Variants in PCLO observed in about 807,000 individuals in gnomAD.
The protein encoded by PCLO is protein piccolo.
PCLO carries 82 observed loss-of-function variants against 427.5 expected under a neutral mutation model. The observed-to-expected ratio is 0.19, with a 90% CI of 0.16 to 0.23. The LOEUF is 0.23. Ranked by LOEUF, PCLO falls within the 10% of genes least tolerant of loss-of-function variation. The pLI, the probability that PCLO is intolerant of heterozygous loss-of-function variation, is 1.00. For synonymous variants in PCLO, 2,357 were observed against 2,155.4 expected (o/e 1.09, Z -2.59); for missense variants, 6,239 against 6,115.9 (o/e 1.02, Z -0.67).
At position 82,954,200 on chromosome 7, in the gene PCLO, G is replaced by C. The variant is rs369893618; in HGVS notation, c.6753C>G (p.Ala2251=). 88 of 1,613,192 alleles carry C rather than the reference G, an allele frequency of 5.5e-5. No individual in the cohort carries two copies. The African/African-American group carries it at 1.1e-3, about 20-fold the overall frequency. Residue 2251 remains alanine (A), a synonymous_variant, in exon 5 of 25, where the codon GCC becomes GCG. Coordinates refer to ENST00000333891, the MANE Select transcript of PCLO (RefSeq NM_033026.6). ...EEISVSLDRT[A]PPDGRASADH... ...CAGCACTAGCTCTACCATCTGGTGG[G>C]GCAGTCCGATCTAAAGATACACTTA...
chr7:82,952,210 A>T lies in PCLO; in HGVS notation c.8743T>A (p.Ser2915Thr), dbSNP rs758158767. ...ATTTTGGTCATCACACTTGAAGTAG[A>T]CTCATCCATTGTTACGACTGTTCTG... is the stretch of plus-strand genomic sequence containing the variant. ...SHRTVVTMDESTSSVMTKIIE... is the reference protein window; with the variant it reads ...SHRTVVTMDETTSSVMTKIIE... The change falls in exon 5 of 25, where the codon TCT becomes ACT. Residue 2915 changes from serine (S) to threonine (T), a missense_variant. Ser to Thr is a moderately conservative substitution (Grantham distance 58, BLOSUM62 1). Coordinates refer to ENST00000333891, the MANE Select transcript of PCLO (RefSeq NM_033026.6). 1 of 1,613,652 alleles carries T rather than the reference A, an allele frequency of 6.2e-7. No homozygotes were observed. The highest frequency in any genetic ancestry group is 1.1e-5 in the South Asian group (1 of 91,076).
chr7:83,149,191 A>G (rs1037030185), intron 2 of PCLO, among the ~76,000 whole-genome samples: 5 of 152,138 alleles, frequency 3.3e-5, no homozygotes, highest in African/African-American at 9.7e-5. Flanking sequence ...GAAAGAGACC[A>G]ATTGTCCTTT....
chr7:82,990,478 A>G (rs1796352783), intron 3 of PCLO, among the ~76,000 whole-genome samples: 1 of 152,106 alleles, frequency 6.6e-6, no homozygotes, highest in African/African-American at 2.4e-5. Flanking sequence ...CTATCTTAGG[A>G]GGATTCTAAA....
chr7:83,142,874 G>A (rs6953603), intron 2 of PCLO, among the ~76,000 whole-genome samples: 3,429 of 152,078 alleles, frequency 0.023, 133 homozygotes, highest in African/African-American at 0.077. Flanking sequence ...CAGCAGTATC[G>A]CTTGAACCAG....
At chr7:83,083,773 C>T (rs930393634) in intron 3 of PCLO, among the ~76,000 whole-genome samples, 4 of 151,960 alleles carry the variant, frequency 2.6e-5, no homozygotes, top group Non-Finnish European at 5.9e-5. Flanking sequence ...TAGTGATGAC[C>T]CTGCCCACTC....
chr7:82,875,490 T>C (rs1793347640), intron 10 of PCLO, among the ~76,000 whole-genome samples: 1 of 152,082 alleles, frequency 6.6e-6, no homozygotes, highest in Non-Finnish European at 1.5e-5. Flanking sequence ...ACCAGAGCAG[T>C]CACTCAGCAC....
chr7:83,063,691 T>C (rs912804883), intron 3 of PCLO, among the ~76,000 whole-genome samples: 1 of 152,076 alleles, frequency 6.6e-6, no homozygotes, highest in Non-Finnish European at 1.5e-5. Flanking sequence ...GTAACCCCAT[T>C]AGGGGAAGAG....
intron 2 of PCLO, among the ~76,000 whole-genome samples, chr7:83,154,423 T>C (rs977583949): frequency 3.3e-5 from 5 of 152,174 alleles, no homozygotes; most frequent in Admixed American, 1.3e-4. Flanking sequence ...GGAACACCAA[T>C]GTAAAAGTTA....
chr7:82,986,772 C>T (rs535357608), intron 3 of PCLO, among the ~76,000 whole-genome samples: 95 of 151,828 alleles, frequency 6.3e-4, no homozygotes, highest in African/African-American at 2.2e-3. Flanking sequence ...ATGAATAATT[C>T]TTTACAAACA....
chr7:83,026,830 C>G (rs1484112283), intron 3 of PCLO, among the ~76,000 whole-genome samples: 2 of 147,704 alleles, frequency 1.4e-5, no homozygotes, highest in Non-Finnish European at 3.0e-5. Flanking sequence ...TACATGGAAA[C>G]TGAACAACCT....
At position 82,879,333 on chromosome 7, in the gene PCLO, T is replaced by G; in HGVS notation, c.13654+4A>C. 1 of 1,602,856 alleles carries G rather than the reference T, an allele frequency of 6.2e-7. No homozygotes were observed. The highest frequency in any genetic ancestry group is 1.7e-5 in the Admixed American group (1 of 57,446). ...TATTTTACTGTAAAATTCCTTATTCTTACCTTCCATAAGCTTCCCCGTCTG... is the reference window on the plus strand; with the variant it reads ...TATTTTACTGTAAAATTCCTTATTCGTACCTTCCATAAGCTTCCCCGTCTG... On this transcript the variant is annotated splice_donor_region_variant and intron_variant, in intron 10 of 24. Transcript: ENST00000333891.
At chr7:83,065,145 T>C (rs1184208092) in intron 3 of PCLO, among the ~76,000 whole-genome samples, 2 of 151,972 alleles carry the variant, frequency 1.3e-5, no homozygotes, top group Non-Finnish European at 2.9e-5. Flanking sequence ...CTTCATCAAG[T>C]GTTTAAAAAC....
At chr7:82,801,121 T>A (rs1055707817) in intron 22 of PCLO, among the ~76,000 whole-genome samples, 2 of 150,722 alleles carry the variant, frequency 1.3e-5, no homozygotes, top group African/African-American at 4.9e-5. Context: ...CAGCTTCGTA[T>A]ATTTAAGAAT....
chr7:82,839,189 A>G (rs1205473492), intron 14 of PCLO, among the ~76,000 whole-genome samples: 3 of 152,104 alleles, frequency 2.0e-5, no homozygotes, highest in African/African-American at 7.2e-5. Flanking sequence ...GAAGGGATCC[A>G]TATTTCAAAG....
At chr7:82,789,182 T>C (rs1403189274) in intron 22 of PCLO, among the ~76,000 whole-genome samples, 1 of 152,116 alleles carries the variant, frequency 6.6e-6, no homozygotes, top group African/African-American at 2.4e-5. Flanking sequence ...AACCACATTC[T>C]GAAAATACAT....
At chr7:83,079,649 TATA>T (rs1790044717) in intron 3 of PCLO, among the ~76,000 whole-genome samples, 1 of 152,134 alleles carries the variant, frequency 6.6e-6, no homozygotes, top group Non-Finnish European at 1.5e-5. Context: ...TCAGCAGGAA[TATA>T]ATATCTTGTT....
At chr7:83,064,094 G>A (rs1180625711) in intron 3 of PCLO, among the ~76,000 whole-genome samples, 1 of 151,978 alleles carries the variant, frequency 6.6e-6, no homozygotes, top group Non-Finnish European at 1.5e-5. Context: ...GAATAAATGT[G>A]CTTTCTGAAA....
intron 3 of PCLO, among the ~76,000 whole-genome samples, chr7:83,095,221 A>T (rs1456250910): frequency 6.6e-6 from 1 of 151,724 alleles, no homozygotes; most frequent in Non-Finnish European, 1.5e-5. Context: ...GTTTTTTTCT[A>T]CTTTGCCGAA....
Position 83,059,381 on chromosome 7 carries a change from A to ATATATATATATATATATATATATATAT in PCLO, c.3300+74868_3300+74869insATATATATATATATATATATATATATA, listed in dbSNP as rs757350399. ...AAATATATATATATATATATATATA[A>ATATATATATATATATATATATATATAT]AAATGAAAAATAAGGTGAGATCAAC... On this transcript the variant is annotated intron_variant, in intron 3 of 24. Transcript: ENST00000333891. Among the ~76,000 whole-genome samples the ATATATATATATATATATATATATATAT allele has an allele frequency of 1.4e-3, 136 of 95,676 alleles. 2 individuals carry two copies. The highest frequency in any genetic ancestry group is 2.2e-3 in the Non-Finnish European group (105 of 48,816). 62.8% of individuals were successfully genotyped at this position (95,676 alleles called of 152,430 possible). A position where few individuals can be genotyped will look rare whatever the true frequency, so the allele number is the denominator to read the frequency against.
Sources: gnomAD v4.1 joint callset for allele counts (sites outside exome capture counted in the v4.1 genomes callset) on GRCh38, gnomAD v4.1.1 for gene constraint, MANE v1.5 for transcripts, NCBI Gene and HGNC (gene_info 2026-07-23, HGNC 2026-07-21) for gene names.